Variants in VPS53 observed in about 807,000 individuals in gnomAD.
VPS53 encodes the protein vacuolar protein sorting-associated protein 53 homolog.
Under a neutral mutation model 107.0 loss-of-function variants are expected in VPS53, and 70 were observed. The ratio of observed to expected loss-of-function variants is 0.65; its 90% CI spans 0.54 to 0.80. The LOEUF is 0.80. VPS53 is among the 30% of genes least tolerant of loss of function. VPS53 has a pLI of 0.00. For synonymous variants in VPS53, 409 were observed against 393.3 expected (o/e 1.04, Z -0.47); for missense variants, 917 against 1,049.4 (o/e 0.87, Z 1.74).
At chr17:566,912 T>C (rs1020495459) in intron 13 of VPS53, among the ~76,000 whole-genome samples, 1 of 151,722 alleles carries the variant, frequency 6.6e-6, no homozygotes, top group South Asian at 2.1e-4. Flanking sequence ...ACCGGCTAAT[T>C]TTTGCTTTTT....
chr17:566,076 C>T (rs1448583899), intron 13 of VPS53, among the ~76,000 whole-genome samples: 1 of 150,058 alleles, frequency 6.7e-6, no homozygotes, highest in Non-Finnish European at 1.5e-5. Context: ...TAGTGGCGGG[C>T]GCCTGTAGTC....
At chr17:685,812 C>T (rs1485622714) in intron 4 of VPS53, among the ~76,000 whole-genome samples, 1 of 151,770 alleles carries the variant, frequency 6.6e-6, no homozygotes, top group East Asian at 1.9e-4. Context: ...CCAGCCAGAG[C>T]AATAAAGGAA....
chr17:533,111 C>T (rs1019308503), intron 18 of VPS53, 200 bp from the exon 19 acceptor site: 18 of 840,316 alleles, frequency 2.1e-5, no homozygotes, highest in Non-Finnish European at 2.1e-5. Context: ...CTGGCAGGCC[C>T]GGGAAAACCG....
chr17:593,250 C>A (rs1232558078), intron 12 of VPS53, among the ~76,000 whole-genome samples: 1 of 152,006 alleles, frequency 6.6e-6, no homozygotes, highest in Non-Finnish European at 1.5e-5. Context: ...TAGGCATGGG[C>A]AAGGACTTCA....
chr17:638,222 A>G (rs2143272968), intron 7 of VPS53, among the ~76,000 whole-genome samples: 1 of 152,166 alleles, frequency 6.6e-6, no homozygotes, highest in East Asian at 1.9e-4. Context: ...CTTTTATGAG[A>G]GACTAGGATT....
chr17:627,387 A>G (rs1567687792), intron 9 of VPS53, 71 bp from the exon 10 acceptor site: 2 of 1,529,196 alleles, frequency 1.3e-6, no homozygotes, highest in East Asian at 2.3e-5. Context: ...GAAACAAGCA[A>G]AAACACAGAG....
chr17:565,550 T>C lies in VPS53; in HGVS notation c.1314-2805A>G, dbSNP rs535211327. Reference sequence around the variant, plus strand: ...AGAAAGCAGGGAAGGATCTCGTTGGTTGACCTCGGAAAGCTTCATGGCCAC... The same window carrying C: ...AGAAAGCAGGGAAGGATCTCGTTGGCTGACCTCGGAAAGCTTCATGGCCAC... On this transcript the variant is annotated intron_variant, in intron 13 of 21. Transcript: ENST00000437048. Among the ~76,000 whole-genome samples the C allele has an allele frequency of 3.3e-5, 5 of 152,226 alleles. No homozygotes were observed. The East Asian group carries it at 5.8e-4, about 18-fold the overall frequency.
chr17:530,495 GATTT>G (rs1007505643), intron 19 of VPS53, among the ~76,000 whole-genome samples: 2 of 152,022 alleles, frequency 1.3e-5, no homozygotes, highest in African/African-American at 4.8e-5. Context: ...GATCCTTTTA[GATTT>G]ATTACTCATA....
chr17:629,951 C>G (rs1969882527), intron 8 of VPS53, among the ~76,000 whole-genome samples: 1 of 151,892 alleles, frequency 6.6e-6, no homozygotes, highest in African/African-American at 2.4e-5. Context: ...CAGGCCTCTT[C>G]TAAACAATAA....
intron 5 of VPS53, among the ~76,000 whole-genome samples, chr17:660,594 C>T (rs1385177290): frequency 1.3e-5 from 2 of 152,042 alleles, no homozygotes; most frequent in African/African-American, 4.8e-5. Context: ...CTGATCTTCA[C>T]GCTTTGAGGG....
intron 2 of VPS53, among the ~76,000 whole-genome samples, chr17:699,613 G>A (rs1025790160): frequency 6.6e-5 from 10 of 152,040 alleles, no homozygotes; most frequent in African/African-American, 1.9e-4. Flanking sequence ...AGCCATGCCC[G>A]TTCACTTACA....
chr17:569,790 G>A (rs1052648209), intron 13 of VPS53, among the ~76,000 whole-genome samples: 1 of 151,586 alleles, frequency 6.6e-6, no homozygotes, highest in Non-Finnish European at 1.5e-5. Flanking sequence ...GCATGGTGGC[G>A]AGCATCTATA....
intron 7 of VPS53, among the ~76,000 whole-genome samples, chr17:636,785 T>C (rs1207398552): frequency 6.6e-6 from 1 of 152,246 alleles, no homozygotes; most frequent in East Asian, 1.9e-4. Flanking sequence ...TCATGGTGGA[T>C]AAGCTTTTTG....
intron 4 of VPS53, among the ~76,000 whole-genome samples, chr17:678,237 T>C (rs942510071): frequency 3.3e-5 from 5 of 151,352 alleles, no homozygotes; most frequent in African/African-American, 7.3e-5. Context: ...CTGGCCAACA[T>C]AGCAAAACCC....
intron 12 of VPS53, among the ~76,000 whole-genome samples, chr17:601,548 A>G (rs1393616916): frequency 6.6e-6 from 1 of 152,208 alleles, no homozygotes; most frequent in African/African-American, 2.4e-5. Context: ...GCCCCACCAC[A>G]GTGGCTAATG....
intron 12 of VPS53, among the ~76,000 whole-genome samples, chr17:594,538 G>C (rs529980667): frequency 6.7e-6 from 1 of 150,356 alleles, no homozygotes; most frequent in East Asian, 2.0e-4. Context: ...TGTCCCCCCT[G>C]GAGGAAGCTG....
intron 11 of VPS53, among the ~76,000 whole-genome samples, chr17:605,216 G>A (rs1968510201): frequency 6.6e-6 from 1 of 152,208 alleles, no homozygotes; most frequent in Non-Finnish European, 1.5e-5. Flanking sequence ...GGATGCAAGT[G>A]AGGAAGATGG....
chr17:633,143 C>T lies in VPS53; in HGVS notation c.609-1515G>A, dbSNP rs73281322. ...AAGGAGAAGCGGCTAGGATGGAAAGCGGCTATGGATCATACCCCACGATCA... is the reference window on the plus strand; with the variant it reads ...AAGGAGAAGCGGCTAGGATGGAAAGTGGCTATGGATCATACCCCACGATCA... On this transcript the variant is annotated intron_variant, in intron 7 of 21. Transcript: ENST00000437048. 1.0e-2 allele frequency among the ~76,000 whole-genome samples: 1,517 copies of T among 152,292 alleles called. 26 individuals carry two copies. The highest frequency in any genetic ancestry group is 0.034 in the African/African-American group (1,407 of 41,556).
chr17:633,253 C>T (rs1970037275), intron 7 of VPS53, among the ~76,000 whole-genome samples: 1 of 152,204 alleles, frequency 6.6e-6, no homozygotes, highest in Non-Finnish European at 1.5e-5. Flanking sequence ...GTGCATCCCC[C>T]ACGAGCTGCC....
Sources: allele counts gnomAD v4.1 joint callset (sites outside exome capture counted in the v4.1 genomes callset), GRCh38; gene constraint gnomAD v4.1.1; transcripts MANE v1.5; gene names NCBI Gene and HGNC (gene_info 2026-07-23, HGNC 2026-07-21).